The following KIF26B variants were observed in gnomAD, a reference collection of about 807,000 sequenced individuals.
KIF26B encodes kinesin-like protein KIF26B.
Under a neutral mutation model 151.2 loss-of-function variants are expected in KIF26B, and 63 were observed. That is an observed-to-expected ratio of 0.42 (90% CI 0.34 to 0.51). The LOEUF (loss-of-function observed/expected upper bound fraction) is 0.51, where lower values mean the gene tolerates loss of function less well. Among genes scored for constraint, KIF26B ranks in the 20% least tolerant of loss-of-function variants. The probability of loss-of-function intolerance (pLI) is 0.07; values close to 1 mark genes in which losing one functional copy is unlikely to be tolerated. For missense variants in KIF26B, 2,813 were observed against 2,913.6 expected (o/e 0.97, Z 0.79); for synonymous variants, 1,357 against 1,262.1 (o/e 1.08, Z -1.59).
At chr1:245,230,120 G>C (rs889227886) in intron 2 of KIF26B, among the ~76,000 whole-genome samples, 23 of 141,050 alleles carry the variant, frequency 1.6e-4, no homozygotes, top group Middle Eastern at 3.4e-3. Flanking sequence ...GCGATAGAGC[G>C]AGACTCCATC....
chr1:245,617,287 G>A lies in KIF26B; in HGVS notation c.2098+5311G>A, dbSNP rs190997000. Among the ~76,000 whole-genome samples, 20 of 152,218 alleles carry A rather than the reference G, an allele frequency of 1.3e-4. No individual in the cohort carries two copies. The East Asian group carries it at 1.5e-3, about 12-fold the overall frequency. On this transcript the variant is annotated intron_variant, in intron 9 of 14. Transcript: ENST00000407071. Reference sequence around the variant, plus strand: ...AATTTTTGTGTTTTTTAGTAGAGACGGGGTTTCACCATGTTGGCCACGCTG... The same window carrying A: ...AATTTTTGTGTTTTTTAGTAGAGACAGGGTTTCACCATGTTGGCCACGCTG...
rs559920704 is a variant in KIF26B at position 245,342,535 on chromosome 1, T to G, written c.466-24299T>G. On this transcript the variant is annotated intron_variant, in intron 2 of 14. Transcript: ENST00000407071. The stretch of plus-strand genomic sequence containing the variant: ...GTCATTTTGCTCCCTACCTTTCTTC[T>G]GAAGTCAATTCTGGTTTTTGTTTTT... 4.6e-5 allele frequency among the ~76,000 whole-genome samples: 7 copies of G among 152,284 alleles called. No individual in the cohort carries two copies. The East Asian group carries it at 1.2e-3, about 25-fold the overall frequency.
intron 5 of KIF26B, among the ~76,000 whole-genome samples, chr1:245,593,313 C>T (rs564997766): frequency 1.3e-5 from 2 of 152,158 alleles, no homozygotes; most frequent in Admixed American, 6.5e-5. Context: ...TAATGCTATC[C>T]CTCCCCTAGC....
intron 8 of KIF26B, among the ~76,000 whole-genome samples, chr1:245,610,412 C>G (rs145082211): frequency 2.6e-5 from 4 of 152,292 alleles, no homozygotes; most frequent in East Asian, 3.9e-4. Context: ...GGGCACCCCC[C>G]CAGAGTTTCC....
At chr1:245,266,936 A>G (rs1461712468) in intron 2 of KIF26B, among the ~76,000 whole-genome samples, 4 of 152,176 alleles carry the variant, frequency 2.6e-5, no homozygotes, top group Non-Finnish European at 4.4e-5. Flanking sequence ...AAATGCAGAC[A>G]CTTTTATTAA....
At chr1:245,496,354 T>C (rs375937434) in intron 4 of KIF26B, among the ~76,000 whole-genome samples, 35 of 152,274 alleles carry the variant, frequency 2.3e-4, no homozygotes, top group African/African-American at 7.5e-4. Context: ...ACATTGACCA[T>C]ATAAAAGAAC....
chr1:245,648,624 C>A (rs1196054714), intron 10 of KIF26B, among the ~76,000 whole-genome samples: 3 of 145,624 alleles, frequency 2.1e-5, no homozygotes, highest in Non-Finnish European at 3.0e-5. Context: ...CAGAGTGAGA[C>A]CCTGTCTCAA....
chr1:245,283,368 A>G (rs1168653154), intron 2 of KIF26B, among the ~76,000 whole-genome samples: 1 of 151,924 alleles, frequency 6.6e-6, no homozygotes, highest in Non-Finnish European at 1.5e-5. Context: ...CACACCCCAT[A>G]TGCTTTCTTT....
chr1:245,360,244 CCT>C (rs1007429835), intron 2 of KIF26B, among the ~76,000 whole-genome samples: 2 of 152,026 alleles, frequency 1.3e-5, no homozygotes, highest in African/African-American at 2.4e-5. Flanking sequence ...TCTTTATCAT[CCT>C]CTCTGTTCTT....
chr1:245,625,731 C>G (rs922491217), intron 9 of KIF26B, among the ~76,000 whole-genome samples: 2 of 152,090 alleles, frequency 1.3e-5, no homozygotes, highest in African/African-American at 4.8e-5. Context: ...TTTTATTTAA[C>G]TGTGTATTTG....
At chr1:245,408,968 T>A (rs1486070216) in intron 3 of KIF26B, among the ~76,000 whole-genome samples, 1 of 152,222 alleles carries the variant, frequency 6.6e-6, no homozygotes, top group Non-Finnish European at 1.5e-5. Flanking sequence ...AAAGTGGCAA[T>A]GGTGATAATG....
chr1:245,546,405 A>C (rs1661742806), intron 5 of KIF26B, among the ~76,000 whole-genome samples: 1 of 152,134 alleles, frequency 6.6e-6, no homozygotes, highest in Non-Finnish European at 1.5e-5. Context: ...AAGTAGAAAC[A>C]GTGGGGATAG....
intron 3 of KIF26B, among the ~76,000 whole-genome samples, chr1:245,393,334 T>G (rs1673745796): frequency 6.6e-6 from 1 of 152,248 alleles, no homozygotes; most frequent in African/African-American, 2.4e-5. Context: ...TCCTTTTTTA[T>G]GGCATTCTGT....
chr1:245,505,573 C>G (rs972254559), intron 4 of KIF26B, among the ~76,000 whole-genome samples: 4 of 151,926 alleles, frequency 2.6e-5, no homozygotes, highest in African/African-American at 9.7e-5. Flanking sequence ...GTAGTAGAGA[C>G]GGGGTTTCAC....
chr1:245,287,044 G>A (rs1671174337), intron 2 of KIF26B, among the ~76,000 whole-genome samples: 1 of 152,092 alleles, frequency 6.6e-6, no homozygotes, highest in African/African-American at 2.4e-5. Context: ...AGGAGGTGGA[G>A]GTTGCAGTGA....
intron 4 of KIF26B, among the ~76,000 whole-genome samples, chr1:245,447,292 C>T (rs986439134): frequency 6.6e-6 from 1 of 152,188 alleles, no homozygotes; most frequent in African/African-American, 2.4e-5. Flanking sequence ...TCTTAATGTT[C>T]TAATTCAATC....
At chr1:245,418,065 T>C (rs1215687313) in intron 3 of KIF26B, among the ~76,000 whole-genome samples, 1 of 152,220 alleles carries the variant, frequency 6.6e-6, no homozygotes, top group Non-Finnish European at 1.5e-5. Flanking sequence ...GCCCTGGAGC[T>C]TCATCGATGC....
chr1:245,656,203 A>G (rs2044071711), intron 10 of KIF26B, among the ~76,000 whole-genome samples: 1 of 148,636 alleles, frequency 6.7e-6, no homozygotes, highest in Non-Finnish European at 1.5e-5. Flanking sequence ...ATATACGCAC[A>G]TCAGCGCTGA....
intron 2 of KIF26B, among the ~76,000 whole-genome samples, chr1:245,340,923 G>A (rs1358614051): frequency 6.6e-6 from 1 of 152,148 alleles, no homozygotes; most frequent in East Asian, 1.9e-4. Flanking sequence ...AAATGATGGT[G>A]GCCTCAGTGC....
Sources: gnomAD v4.1 joint callset for allele counts (sites outside exome capture counted in the v4.1 genomes callset) on GRCh38, gnomAD v4.1.1 for gene constraint, MANE v1.5 for transcripts, NCBI Gene and HGNC (gene_info 2026-07-23, HGNC 2026-07-21) for gene names.